Variants in P4HA3 observed in about 807,000 individuals in gnomAD.
The protein encoded by P4HA3 is prolyl 4-hydroxylase subunit alpha-3.
Under a neutral mutation model 66.7 loss-of-function variants are expected in P4HA3, and 60 were observed. The observed-to-expected ratio is 0.90, with a 90% CI of 0.73 to 1.12. The LOEUF (loss-of-function observed/expected upper bound fraction) is 1.12, where lower values mean the gene tolerates loss of function less well. Ranked by LOEUF, P4HA3 falls within the 50% of genes most tolerant of loss-of-function variation. P4HA3 has a pLI of 0.00. For synonymous variants in P4HA3, 263 were observed against 274.6 expected, an observed-to-expected ratio of 0.96 and a Z score of 0.42; for missense variants, 683 against 685.8, an observed-to-expected ratio of 1.00 and a Z score of 0.05.
intron 7 of P4HA3, 64 bp from the exon 8 acceptor site, chr11:74,279,516 T>C: frequency 2.1e-6 from 3 of 1,453,620 alleles, no homozygotes; most frequent in Non-Finnish European, 1.9e-6. Context: ...TTTTGTCACT[T>C]CCACAGACAT....
chr11:74,303,969 CAG>C (rs1225860813), intron 2 of P4HA3, among the ~76,000 whole-genome samples: 1 of 152,116 alleles, frequency 6.6e-6, no homozygotes, highest in East Asian at 1.9e-4. Flanking sequence ...TTTAATGAAA[CAG>C]AAACTACTAG....
chr11:74,253,643 C>T (rs902729002), intron 15 of P4HA3: 29 of 978,254 alleles, frequency 3.0e-5, no homozygotes, highest in Non-Finnish European at 3.4e-5. Context: ...ACGGGCACCC[C>T]GAGATGTACC....
chr11:74,276,920 C>A, intron 9 of P4HA3, 65 bp downstream of exon 9: 3 of 1,492,154 alleles, frequency 2.0e-6, no homozygotes, highest in Middle Eastern at 2.1e-4. Context: ...AGAGCTCTGC[C>A]TCAGAGAAAT....
intron 4 of P4HA3, among the ~76,000 whole-genome samples, chr11:74,291,697 G>A (rs1349355310): frequency 1.3e-5 from 2 of 152,208 alleles, no homozygotes; most frequent in Non-Finnish European, 2.9e-5. Flanking sequence ...CATCTATTGA[G>A]ATAATCATGT....
chr11:74,255,690 CTTTA>C lies in P4HA3; in HGVS notation c.*1318+4229_*1318+4232del, dbSNP rs576942597. 3.5e-4 allele frequency among the ~76,000 whole-genome samples: 53 copies of C among 152,316 alleles called. No homozygotes were observed. In the South Asian group the frequency reaches 0.011, roughly 31 times the overall value. On this transcript the variant is annotated intron_variant and NMD_transcript_variant, in intron 15 of 15. Coordinates refer to the P4HA3 transcript ENST00000524388. ...ACTGTTACATTGTTATAGTTAGGAA[CTTTA>C]TTCAGGGCCGTCTGTGGGCCAATAG...
chr11:74,266,113 G>A (rs936381579), downstream of P4HA3, among the ~76,000 whole-genome samples: 1 of 152,104 alleles, frequency 6.6e-6, no homozygotes, highest in African/African-American at 2.4e-5. Context: ...CTGAGAAGTG[G>A]GAGTGAAGGT....
chr11:74,311,640 C>G lies in P4HA3; in HGVS notation c.-29G>C. ...CAGCGCTCGCGAACTTCCCCTCAGACAGTCCTGGCCGCGCGGCGGCAGCCG... is the reference window on the plus strand; with the variant it reads ...CAGCGCTCGCGAACTTCCCCTCAGAGAGTCCTGGCCGCGCGGCGGCAGCCG... On this transcript the variant is annotated 5_prime_UTR_variant, in exon 1 of 13. Coordinates refer to ENST00000331597, the MANE Select transcript of P4HA3 (RefSeq NM_182904.5). The G allele has an allele frequency of 7.1e-7, 1 of 1,412,510 alleles. No individual in the cohort carries two copies. Among genetic ancestry groups the G allele is most frequent in the Non-Finnish European group, 9.2e-7 (1 of 1,092,372 alleles). 87.5% of individuals were successfully genotyped at this position (1,412,510 alleles called of 1,614,324 possible).
chr11:74,292,619 C>G (rs1227788611), intron 4 of P4HA3, among the ~76,000 whole-genome samples: 5 of 152,076 alleles, frequency 3.3e-5, no homozygotes, highest in African/African-American at 1.2e-4. Context: ...TGCTTTGAAG[C>G]TGTCCCAGAG....
intron 7 of P4HA3, among the ~76,000 whole-genome samples, chr11:74,283,825 C>T (rs148108153): frequency 1.3e-5 from 2 of 152,340 alleles, no homozygotes; most frequent in African/African-American, 4.8e-5. Flanking sequence ...TCCTCCCTTC[C>T]CCATCTCTTC....
chr11:74,292,361 G>C (rs542611528), intron 4 of P4HA3, among the ~76,000 whole-genome samples: 6 of 151,742 alleles, frequency 4.0e-5, no homozygotes, highest in African/African-American at 4.8e-5. Flanking sequence ...TCTTGCTAGC[G>C]GTCTATCAAT....
chr11:74,276,930 T>C, intron 9 of P4HA3, 55 bp downstream of exon 9: 1 of 1,529,172 alleles, frequency 6.5e-7, no homozygotes, highest in East Asian at 2.3e-5. Context: ...CTCAGAGAAA[T>C]AAATAATGCC....
In P4HA3 at chr11:74,287,437, C is replaced by T. The variant is rs76776861; in HGVS notation, c.770-1046G>A. 3.9e-3 allele frequency: 3,390 copies of T among 868,790 alleles called. 69 individuals carry two copies. The African/African-American group carries it at 0.048, about 12-fold the overall frequency. 53.8% of individuals were successfully genotyped at this position (868,790 alleles called of 1,614,324 possible). ...AATAAAACTGGGAATCTCAACTTGC[C>T]ATGTTCTATTATCCACCTATAAAAG... On this transcript the variant is annotated intron_variant, in intron 5 of 12. Transcript: ENST00000331597.
In P4HA3 at chr11:74,284,709, C is replaced by T. The variant is rs545542607; in HGVS notation, c.1110+1100G>A. 1.8e-4 allele frequency among the ~76,000 whole-genome samples: 28 copies of T among 152,258 alleles called. No individual in the cohort carries two copies. The South Asian group carries it at 5.6e-3, about 31-fold the overall frequency. On this transcript the variant is annotated intron_variant, in intron 7 of 12. Transcript: ENST00000331597. ...ACAGACCTTGGCACACTTCCTTCCC[C>T]TAGAAGCATCTCTCTGGGGCTGCTG...
chr11:74,278,330 G>A (rs1203368884), intron 8 of P4HA3, among the ~76,000 whole-genome samples: 1 of 152,196 alleles, frequency 6.6e-6, no homozygotes, highest in Admixed American at 6.5e-5. Flanking sequence ...GATACAGCTG[G>A]AGAAGCAGGC....
chr11:74,280,824 T>C (rs546001819), intron 7 of P4HA3, among the ~76,000 whole-genome samples: 1 of 152,274 alleles, frequency 6.6e-6, no homozygotes. Flanking sequence ...CATAATGTCA[T>C]TGTCCCTCCT....
At chr11:74,311,317 G>A in intron 1 of P4HA3, 95 bp downstream of exon 1, 1 of 1,304,952 alleles carries the variant, frequency 7.7e-7, no homozygotes, top group South Asian at 1.6e-5. Context: ...GCATGACAAT[G>A]AGCCTGGGGT....
intron 10 of P4HA3, among the ~76,000 whole-genome samples, chr11:74,272,634 CT>C (rs909964776): frequency 1.3e-5 from 2 of 152,192 alleles, no homozygotes; most frequent in African/African-American, 4.8e-5. Context: ...ATGCTGGCCT[CT>C]GACTGCCCTT....
intron 7 of P4HA3, among the ~76,000 whole-genome samples, chr11:74,284,744 T>G (rs1298694785): frequency 6.6e-6 from 1 of 152,132 alleles, no homozygotes; most frequent in South Asian, 2.1e-4. Flanking sequence ...GATGCCTGTC[T>G]GGTTTGTGGC....
At chr11:74,251,467 A>G (rs1036297725) in intron 15 of P4HA3, 5 of 1,427,496 alleles carry the variant, frequency 3.5e-6, no homozygotes, top group Non-Finnish European at 2.7e-6. Context: ...TGGCAAGGAT[A>G]GTGGGGAGGA....
Sources: allele counts gnomAD v4.1 joint callset (sites outside exome capture counted in the v4.1 genomes callset), GRCh38; gene constraint gnomAD v4.1.1; transcripts MANE v1.5; gene names NCBI Gene and HGNC (gene_info 2026-07-23, HGNC 2026-07-21).